THUMPD2: variants seen among roughly 807,000 people sequenced by gnomAD.
The protein encoded by THUMPD2 is THUMP domain 2 tRNA and snRNA guanosine methyltransferase.
In THUMPD2, 56 loss-of-function variants were observed where a neutral mutation model predicts 49.4. That is an observed-to-expected ratio of 1.13 (90% CI 0.91 to 1.41). The LOEUF (loss-of-function observed/expected upper bound fraction) is 1.41, where lower values mean the gene tolerates loss of function less well. Ranked by LOEUF, THUMPD2 falls within the 40% of genes most tolerant of loss-of-function variation. The pLI, the probability that THUMPD2 is intolerant of heterozygous loss-of-function variation, is 0.00. For synonymous variants in THUMPD2, 237 were observed against 205.2 expected (o/e 1.15, Z -1.32); for missense variants, 709 against 594.5 (o/e 1.19, Z -2.00).
intron 9 of THUMPD2, among the ~76,000 whole-genome samples, chr2:39,738,715 A>G (rs886360111): frequency 4.0e-5 from 6 of 149,664 alleles, no homozygotes; most frequent in Admixed American, 2.0e-4. Flanking sequence ...TATATGTAAA[A>G]TAACAAATGC....
intron 8 of THUMPD2, among the ~76,000 whole-genome samples, chr2:39,745,244 A>C (rs552996747): frequency 2.4e-4 from 36 of 152,328 alleles, no homozygotes; most frequent in African/African-American, 8.4e-4. Flanking sequence ...AAATGTAATG[A>C]AATTTAAATA....
intron 9 of THUMPD2, among the ~76,000 whole-genome samples, chr2:39,738,310 C>T (rs1673413291): frequency 6.6e-6 from 1 of 152,160 alleles, no homozygotes; most frequent in Non-Finnish European, 1.5e-5. Context: ...CACCTGTAAT[C>T]CCAACATTTT....
intron 8 of THUMPD2, among the ~76,000 whole-genome samples, chr2:39,748,307 C>G (rs1674878349): frequency 6.6e-6 from 1 of 152,202 alleles, no homozygotes; most frequent in Admixed American, 6.5e-5. Flanking sequence ...TAAAACCCAA[C>G]TGATGGACAA....
At chr2:39,737,823 G>C (rs1673322074) in intron 9 of THUMPD2, among the ~76,000 whole-genome samples, 1 of 152,180 alleles carries the variant, frequency 6.6e-6, no homozygotes, top group African/African-American at 2.4e-5. Context: ...GAGGGTGCTG[G>C]AAGCAGAAAA....
chr2:39,769,089 A>C, intron 3 of THUMPD2: 2 of 1,304,186 alleles, frequency 1.5e-6, no homozygotes, highest in Non-Finnish European at 1.0e-6. Context: ...TCCCATGTAC[A>C]GGACCTGTGC....
intron 5 of THUMPD2, among the ~76,000 whole-genome samples, chr2:39,761,796 T>C (rs969125504): frequency 6.6e-6 from 1 of 152,190 alleles, no homozygotes; most frequent in East Asian, 1.9e-4. Context: ...GTGATATAAA[T>C]GTAGTATGGG....
intron 8 of THUMPD2, among the ~76,000 whole-genome samples, chr2:39,749,597 T>A (rs1170893937): frequency 6.6e-6 from 1 of 152,250 alleles, no homozygotes; most frequent in African/African-American, 2.4e-5. Context: ...ACTAAGTTTT[T>A]ATTTTTTTTC....
chr2:39,743,885 A>T (rs1416531332), intron 9 of THUMPD2, among the ~76,000 whole-genome samples: 1 of 152,226 alleles, frequency 6.6e-6, no homozygotes, highest in African/African-American at 2.4e-5. Context: ...AGACAACAAT[A>T]AATAATAAGG....
At chr2:39,774,858 T>C (rs1678861651) in intron 1 of THUMPD2, among the ~76,000 whole-genome samples, 1 of 152,326 alleles carries the variant, frequency 6.6e-6, no homozygotes, top group Admixed American at 6.5e-5. Flanking sequence ...GCTGGTTTTA[T>C]GTATAACACT....
chr2:39,752,952 C>A (rs558391070), intron 8 of THUMPD2, among the ~76,000 whole-genome samples: 1 of 152,318 alleles, frequency 6.6e-6, no homozygotes, highest in South Asian at 2.1e-4. Flanking sequence ...ACCACTCATG[C>A]ACTGGATCCC....
chr2:39,779,010 A>C, intron 1 of THUMPD2, 104 bp downstream of exon 1: 1 of 1,324,950 alleles, frequency 7.5e-7, no homozygotes. Flanking sequence ...CGCGTGGAAC[A>C]GAGAGGGGCG....
intron 6 of THUMPD2, among the ~76,000 whole-genome samples, chr2:39,760,153 T>C (rs916002511): frequency 6.6e-6 from 1 of 152,174 alleles, no homozygotes; most frequent in African/African-American, 2.4e-5. Context: ...ATAACTTAGC[T>C]TCTCCAGTAG....
rs1373317131 is a variant in THUMPD2 at position 39,779,019 on chromosome 2, C to A, written c.126+95G>T. ...GACCGTCGCGTGGAACAGAGAGGGG[C>A]GCCAGCGACGCTTTCCCGCGTCCAC... On this transcript the variant is annotated intron_variant, in intron 1 of 9. Coordinates refer to ENST00000505747, the MANE Select transcript of THUMPD2 (RefSeq NM_025264.5). 10 of 1,336,018 alleles carry A rather than the reference C, an allele frequency of 7.5e-6. No homozygotes were observed. The Admixed American group carries it at 3.2e-4, about 43-fold the overall frequency. 82.8% of individuals were successfully genotyped at this position (1,336,018 alleles called of 1,614,324 possible).
intron 6 of THUMPD2, 45 bp downstream of exon 6, chr2:39,761,286 T>C (rs1361978495): frequency 6.5e-7 from 1 of 1,546,308 alleles, no homozygotes; most frequent in East Asian, 2.2e-5. Flanking sequence ...AAGTTAATTA[T>C]GAAAAGAACC....
intron 5 of THUMPD2, among the ~76,000 whole-genome samples, chr2:39,764,449 T>TCA (rs1473814894): frequency 3.9e-5 from 6 of 152,238 alleles, no homozygotes; most frequent in African/African-American, 7.2e-5. Flanking sequence ...TAGTAGGTGA[T>TCA]GTGTACAGAG....
At chr2:39,768,904 T>G in intron 3 of THUMPD2, 1 of 1,300,582 alleles carries the variant, frequency 7.7e-7, no homozygotes, top group Non-Finnish European at 1.0e-6. Flanking sequence ...GACTCACCCT[T>G]TAGGGTTTGA....
At chr2:39,768,934 A>T in intron 3 of THUMPD2, 1 of 1,303,618 alleles carries the variant, frequency 7.7e-7, no homozygotes, top group Non-Finnish European at 1.0e-6. Flanking sequence ...AGGTTGATAA[A>T]GTATTCAGAC....
intron 6 of THUMPD2, among the ~76,000 whole-genome samples, chr2:39,757,960 C>A (rs1676354771): frequency 6.6e-6 from 1 of 152,174 alleles, no homozygotes; most frequent in Admixed American, 6.5e-5. Flanking sequence ...CAAAAGAACT[C>A]TACTATGCCA....
chr2:39,742,478 A>T (rs1427429911), intron 9 of THUMPD2, among the ~76,000 whole-genome samples: 1 of 152,186 alleles, frequency 6.6e-6, no homozygotes, highest in Non-Finnish European at 1.5e-5. Context: ...AGGCTGGTAT[A>T]ATTTACTAGG....
Sources: gnomAD v4.1 joint callset for allele counts (sites outside exome capture counted in the v4.1 genomes callset) on GRCh38, gnomAD v4.1.1 for gene constraint, MANE v1.5 for transcripts, NCBI Gene and HGNC (gene_info 2026-07-23, HGNC 2026-07-21) for gene names.